Variants in CACNA2D3 observed in about 807,000 individuals in gnomAD.
CACNA2D3 encodes voltage-dependent calcium channel subunit alpha-2/delta-3.
A neutral mutation model predicts 160.6 loss-of-function variants in CACNA2D3; 60 were observed. That is an observed-to-expected ratio of 0.37 (90% CI 0.30 to 0.46). The LOEUF is 0.46. Ranked by LOEUF, CACNA2D3 falls within the 20% of genes least tolerant of loss-of-function variation. The pLI is 1.00. For missense variants in CACNA2D3, 1,205 were observed against 1,365.0 expected, an observed-to-expected ratio of 0.88 and a Z score of 1.85; for synonymous variants, 558 against 492.9, an observed-to-expected ratio of 1.13 and a Z score of -1.75.
At chr3:54,619,191 G>A (rs60564591) in intron 9 of CACNA2D3, among the ~76,000 whole-genome samples, 13,496 of 152,216 alleles carry the variant, frequency 0.089, 1,961 homozygotes, top group African/African-American at 0.3. Context: ...GCACTGACAA[G>A]TCCACATGAC....
At chr3:54,819,048 A>C (rs1324902037) in intron 14 of CACNA2D3, among the ~76,000 whole-genome samples, 3 of 148,916 alleles carry the variant, frequency 2.0e-5, no homozygotes, top group Admixed American at 6.7e-5. Flanking sequence ...CCTGCCCCCA[A>C]CTCCCCTTCC....
At chr3:54,618,330 T>G (rs1698899527) in intron 9 of CACNA2D3, among the ~76,000 whole-genome samples, 3 of 143,038 alleles carry the variant, frequency 2.1e-5, no homozygotes, top group African/African-American at 2.6e-5. Context: ...CTGGTCAAAG[T>G]TCAAATTGAT....
At chr3:55,023,943 T>C (rs559477226) in intron 35 of CACNA2D3, among the ~76,000 whole-genome samples, 7 of 147,598 alleles carry the variant, frequency 4.7e-5, no homozygotes, top group African/African-American at 1.5e-4. Flanking sequence ...GTGTCTTCTC[T>C]TGTAAGATCT....
At chr3:54,787,088 T>A (rs1702655993) in intron 13 of CACNA2D3, among the ~76,000 whole-genome samples, 2 of 152,244 alleles carry the variant, frequency 1.3e-5, no homozygotes. Context: ...AGCTTTTCCC[T>A]TCTTGTGGTT....
At chr3:54,500,086 C>A (rs79386342) in intron 4 of CACNA2D3, among the ~76,000 whole-genome samples, 2,813 of 152,222 alleles carry the variant, frequency 0.018, 97 homozygotes, top group African/African-American at 0.065. Flanking sequence ...TAGATGCATA[C>A]TACATTAAGG....
rs114713372 is a variant in CACNA2D3 at position 55,038,557 on chromosome 3, C to T, written c.2987+20240C>T. Among the ~76,000 whole-genome samples the T allele has an allele frequency of 3.8e-3, 578 of 152,158 alleles. 2 individuals carry two copies. The highest frequency in any genetic ancestry group is 0.013 in the African/African-American group (560 of 41,536). On this transcript the variant is annotated intron_variant, in intron 35 of 37. Transcript: ENST00000474759. ...TGTGGTATACGCACATATTAATATG[C>T]ACTCACAGGTATATAACACTGTTAT...
chr3:54,532,974 T>C (rs1410141655), intron 5 of CACNA2D3, among the ~76,000 whole-genome samples: 1 of 152,230 alleles, frequency 6.6e-6, no homozygotes. Flanking sequence ...TTTTTTTGAC[T>C]TTTTGATAAT....
chr3:54,797,531 G>A (rs181040976), intron 13 of CACNA2D3, among the ~76,000 whole-genome samples: 17 of 152,296 alleles, frequency 1.1e-4, no homozygotes, highest in Admixed American at 7.8e-4. Flanking sequence ...AGATACGACA[G>A]TATCATATGG....
intron 33 of CACNA2D3, among the ~76,000 whole-genome samples, chr3:55,008,730 C>T (rs1429350860): frequency 2.0e-5 from 3 of 152,032 alleles, no homozygotes; most frequent in Non-Finnish European, 4.4e-5. Flanking sequence ...TAGCCATAAG[C>T]CTGAAAAACA....
chr3:54,429,278 AATC>A (rs1489879928), intron 4 of CACNA2D3, among the ~76,000 whole-genome samples: 1 of 152,230 alleles, frequency 6.6e-6, no homozygotes, highest in Non-Finnish European at 1.5e-5. Context: ...ACTAAAAAAA[AATC>A]ATAAAACTAA....
intron 32 of CACNA2D3, 35 bp from the exon 33 acceptor site, chr3:55,007,755 A>C: frequency 6.9e-7 from 1 of 1,439,482 alleles, no homozygotes; most frequent in Non-Finnish European, 9.4e-7. Context: ...TGTGTGCACT[A>C]CATTGTTTTT....
intron 33 of CACNA2D3, 58 bp from the exon 34 acceptor site, chr3:55,009,330 T>C: frequency 7.0e-7 from 1 of 1,427,330 alleles, no homozygotes; most frequent in Non-Finnish European, 9.9e-7. Flanking sequence ...AAAGTCACTG[T>C]TCTGTGATAT....
intron 9 of CACNA2D3, among the ~76,000 whole-genome samples, chr3:54,610,261 A>G (rs1698724366): frequency 6.6e-6 from 1 of 152,226 alleles, no homozygotes; most frequent in African/African-American, 2.4e-5. Context: ...GTCTTTTTGC[A>G]GGACACAATT....
intron 5 of CACNA2D3, among the ~76,000 whole-genome samples, chr3:54,562,062 C>A (rs567142891): frequency 6.6e-6 from 1 of 152,160 alleles, no homozygotes; most frequent in Non-Finnish European, 1.5e-5. Flanking sequence ...TTATCTCCTA[C>A]CAGGTCCCTC....
At chr3:54,173,898 G>T (rs1700619274) in intron 2 of CACNA2D3, among the ~76,000 whole-genome samples, 1 of 152,166 alleles carries the variant, frequency 6.6e-6, no homozygotes, top group African/African-American at 2.4e-5. Flanking sequence ...CTGTGAGCTT[G>T]TTAAAATGCA....
chr3:54,736,052 CATATGTATGTATATATATATACAT>C lies in CACNA2D3; in HGVS notation c.1168-16542_1168-16519del, dbSNP rs1701504934. 3.2e-3 allele frequency among the ~76,000 whole-genome samples: 151 copies of C among 47,158 alleles called. 8 individuals are homozygous for C. The highest frequency in any genetic ancestry group is 5.0e-3 in the Non-Finnish European group (118 of 23,784). 30.9% of individuals were successfully genotyped at this position (47,158 alleles called of 152,430 possible). A position where few individuals can be genotyped will look rare whatever the true frequency, so the allele number is the denominator to read the frequency against. ...ATATATATGTATATATATACACATA[CATATGTATGTATATATATATACAT>C]ATATATGTATGTGTATATATATACA... On this transcript the variant is annotated intron_variant, in intron 11 of 37. Coordinates refer to ENST00000474759, the MANE Select transcript of CACNA2D3 (RefSeq NM_018398.3).
chr3:54,752,717 C>T (rs1359512120), intron 12 of CACNA2D3, 40 bp downstream of exon 12: 3 of 1,386,280 alleles, frequency 2.2e-6, no homozygotes, highest in African/African-American at 2.8e-5. Context: ...ATAACTTCCA[C>T]CTACTTGTGC....
chr3:54,162,210 G>T (rs1237901226), intron 2 of CACNA2D3, among the ~76,000 whole-genome samples: 1 of 152,156 alleles, frequency 6.6e-6, no homozygotes, highest in African/African-American at 2.4e-5. Flanking sequence ...ACGACACACC[G>T]CAAAACTTCA....
At chr3:54,197,882 A>G (rs1039671176) in intron 2 of CACNA2D3, among the ~76,000 whole-genome samples, 3 of 151,924 alleles carry the variant, frequency 2.0e-5, no homozygotes, top group African/African-American at 7.3e-5. Context: ...CCTATCTCCA[A>G]CCTGAAGTTA....
Sources: gnomAD v4.1 joint callset for allele counts (sites outside exome capture counted in the v4.1 genomes callset) on GRCh38, gnomAD v4.1.1 for gene constraint, MANE v1.5 for transcripts, NCBI Gene and HGNC (gene_info 2026-07-23, HGNC 2026-07-21) for gene names.